The following VWC2L variants were observed in gnomAD, a reference collection of about 807,000 sequenced individuals.
The protein encoded by VWC2L is von Willebrand factor C domain containing 2 like.
A neutral mutation model predicts 21.6 loss-of-function variants in VWC2L; 10 were observed. That is an observed-to-expected ratio of 0.46 (90% confidence interval 0.29 to 0.78). The LOEUF (loss-of-function observed/expected upper bound fraction) is 0.78. Ranked by LOEUF, VWC2L falls within the 30% of genes least tolerant of loss-of-function variation. VWC2L has a pLI of 0.10. For synonymous variants in VWC2L, 96 were observed against 94.3 expected (o/e 1.02, Z -0.10); for missense variants, 209 against 277.1 (o/e 0.75, Z 1.74).
intron 3 of VWC2L, among the ~76,000 whole-genome samples, chr2:214,471,906 G>A (rs552618247): frequency 9.2e-5 from 14 of 152,258 alleles, no homozygotes; most frequent in Admixed American, 2.6e-4. Context: ...CAAGGTTCAC[G>A]TATCTGTAAA....
chr2:214,563,546 C>CAAAAA lies in VWC2L; in HGVS notation c.521-12095_521-12091dup, dbSNP rs55864016. ...TGGGTGACACAGCAAGACTCCGTCT[C>CAAAAA]AAAAAAAAAAAAAAAAAAAAAAAAA... On this transcript the variant is annotated intron_variant, in intron 3 of 3. Transcript: ENST00000312504. Among the ~76,000 whole-genome samples, 82 of 95,848 alleles carry CAAAAA rather than the reference C, an allele frequency of 8.6e-4. 5 individuals carry two copies. Among genetic ancestry groups the CAAAAA allele is most frequent in the African/African-American group, 1.4e-3 (33 of 23,780 alleles). 62.9% of individuals were successfully genotyped at this position (95,848 alleles called of 152,430 possible). A position where few individuals can be genotyped will look rare whatever the true frequency, so the allele number is the denominator to read the frequency against.
rs1690257008 is a variant in VWC2L at position 214,577,822 on chromosome 2, A to T, written c.*2002A>T. On this transcript the variant is annotated 3_prime_UTR_variant, in exon 4 of 4. Coordinates refer to ENST00000312504, the MANE Select transcript of VWC2L (RefSeq NM_001080500.4). Reference sequence around the variant, plus strand: ...AACGTGCTGACGAGTCAGACCTGACATTCTTATGCACACTGTGCTTGCGTT... The same window carrying T: ...AACGTGCTGACGAGTCAGACCTGACTTTCTTATGCACACTGTGCTTGCGTT... The T allele has an allele frequency of 1.3e-5, 2 of 152,194 alleles. No individual in the cohort carries two copies. The highest frequency in any genetic ancestry group is 4.8e-5 in the African/African-American group (2 of 41,454). The allele number at this position is 152,194 out of a possible 1,614,324, so 9.4% of individuals were successfully genotyped here.
intron 2 of VWC2L, among the ~76,000 whole-genome samples, chr2:214,429,975 C>T (rs1702576062): frequency 6.6e-6 from 1 of 152,030 alleles, no homozygotes; most frequent in African/African-American, 2.4e-5. Flanking sequence ...AGGCACCTGC[C>T]ACCACGCCTG....
At chr2:214,554,951 G>T (rs189649315) in intron 3 of VWC2L, among the ~76,000 whole-genome samples, 1 of 152,180 alleles carries the variant, frequency 6.6e-6, no homozygotes, top group East Asian at 1.9e-4. Context: ...CCCTTTCCTG[G>T]CCTTTTCCTG....
chr2:214,442,852 A>T (rs996613481), intron 3 of VWC2L, among the ~76,000 whole-genome samples: 1 of 152,200 alleles, frequency 6.6e-6, no homozygotes, highest in Non-Finnish European at 1.5e-5. Flanking sequence ...CTTAAATAAA[A>T]TACCATTACA....
intron 3 of VWC2L, among the ~76,000 whole-genome samples, chr2:214,453,017 T>A (rs1702999803): frequency 1.3e-5 from 2 of 152,218 alleles, no homozygotes; most frequent in Non-Finnish European, 2.9e-5. Flanking sequence ...CCCATCAGTC[T>A]ATGGCATGTC....
At chr2:214,470,671 G>A (rs185436066) in intron 3 of VWC2L, among the ~76,000 whole-genome samples, 2 of 152,044 alleles carry the variant, frequency 1.3e-5, no homozygotes, top group African/African-American at 4.8e-5. Flanking sequence ...CACTTTGGGA[G>A]GTTGAGGCAG....
chr2:214,569,415 T>C (rs1690116127), intron 3 of VWC2L, among the ~76,000 whole-genome samples: 1 of 152,144 alleles, frequency 6.6e-6, no homozygotes, highest in African/African-American at 2.4e-5. Flanking sequence ...GCCCCCAGTC[T>C]AGTGGATGTG....
intron 3 of VWC2L, among the ~76,000 whole-genome samples, chr2:214,467,794 G>A (rs1474387936): frequency 6.6e-6 from 1 of 152,026 alleles, no homozygotes; most frequent in Non-Finnish European, 1.5e-5. Context: ...TAACTACTGA[G>A]TACCTACTAT....
intron 3 of VWC2L, among the ~76,000 whole-genome samples, chr2:214,551,174 A>C (rs893168233): frequency 1.3e-5 from 2 of 152,230 alleles, no homozygotes; most frequent in African/African-American, 4.8e-5. Context: ...CGAAGGTCAG[A>C]GAAAGTATTT....
intron 3 of VWC2L, among the ~76,000 whole-genome samples, chr2:214,516,642 C>T (rs1277616942): frequency 7.2e-6 from 1 of 139,652 alleles, no homozygotes; most frequent in Non-Finnish European, 1.5e-5. Flanking sequence ...GCCAGAGAAA[C>T]AGCCTTTTGA....
chr2:214,415,990 T>C (rs1282057881), intron 2 of VWC2L, among the ~76,000 whole-genome samples: 2 of 152,106 alleles, frequency 1.3e-5, no homozygotes, highest in South Asian at 4.1e-4. Flanking sequence ...TATTTTGACA[T>C]TACCTATTTT....
At position 214,414,021 on chromosome 2, in the gene VWC2L, A is replaced by G. The variant is rs140193720; in HGVS notation, c.-80-93A>G. The G allele has an allele frequency of 4.2e-3, 2,945 of 693,326 alleles. 14 individuals carry two copies. Among genetic ancestry groups the G allele is most frequent in the Middle Eastern group, 9.8e-3 (24 of 2,438 alleles). The allele number at this position is 693,326 out of a possible 1,614,324, so 42.9% of individuals were successfully genotyped here. On this transcript the variant is annotated intron_variant, in intron 1 of 3. Transcript: ENST00000312504. ...TCTATTTGAGGACTTAGTATCTTCA[A>G]ATTGATCCCAAACAGTTTAAGAGCG...
intron 3 of VWC2L, among the ~76,000 whole-genome samples, chr2:214,545,306 C>A (rs2105922645): frequency 6.6e-6 from 1 of 152,276 alleles, no homozygotes; most frequent in South Asian, 2.1e-4. Context: ...CACTGTTATT[C>A]ATTGTTCATC....
chr2:214,535,974 C>T (rs1289803716), intron 3 of VWC2L, among the ~76,000 whole-genome samples: 2 of 152,082 alleles, frequency 1.3e-5, no homozygotes, highest in Non-Finnish European at 1.5e-5. Flanking sequence ...GGCAGTCCTG[C>T]TGTTACACCC....
chr2:214,517,415 G>A (rs934008859), intron 3 of VWC2L, among the ~76,000 whole-genome samples: 2 of 152,108 alleles, frequency 1.3e-5, no homozygotes, highest in African/African-American at 4.8e-5. Flanking sequence ...CCAATTTTTG[G>A]CTGCACGTCT....
intron 3 of VWC2L, 97 bp from the exon 4 acceptor site, chr2:214,575,575 C>A: frequency 7.2e-7 from 1 of 1,380,258 alleles, no homozygotes; most frequent in Non-Finnish European, 1.0e-6. Context: ...AGTAGTCTGA[C>A]TTACTCATTT....
chr2:214,563,583 C>CAAAAAAAAAAAAAAAAAAAA (rs1328331072), intron 3 of VWC2L, among the ~76,000 whole-genome samples: 1 of 96,010 alleles, frequency 1.0e-5, no homozygotes. Context: ...AAAAAAAAAT[C>CAAAAAAAAAAAAAAAAAAAA]AAGTGGTTCT....
chr2:214,472,899 G>T (rs1248064781), intron 3 of VWC2L, among the ~76,000 whole-genome samples: 1 of 152,112 alleles, frequency 6.6e-6, no homozygotes, highest in Non-Finnish European at 1.5e-5. Flanking sequence ...CCATAATTAG[G>T]CATCTACTTG....
Sources: allele counts gnomAD v4.1 joint callset (sites outside exome capture counted in the v4.1 genomes callset), GRCh38; gene constraint gnomAD v4.1.1; transcripts MANE v1.5; gene names NCBI Gene and HGNC (gene_info 2026-07-23, HGNC 2026-07-21).